The following LPIN1 variants were observed in gnomAD, a reference collection of about 807,000 sequenced individuals.
The protein encoded by LPIN1 is phosphatidate phosphatase LPIN1.
Under a neutral mutation model 107.5 loss-of-function variants are expected in LPIN1, and 71 were observed. The ratio of observed to expected loss-of-function variants is 0.66; its 90% confidence interval spans 0.55 to 0.80. LPIN1 has a LOEUF of 0.80. Ranked by LOEUF, LPIN1 falls within the 30% of genes least tolerant of loss-of-function variation. The pLI is 0.00. For missense variants in LPIN1, 1,043 were observed against 1,160.6 expected, an observed-to-expected ratio of 0.90 and a Z score of 1.47; for synonymous variants, 445 against 452.6, an observed-to-expected ratio of 0.98 and a Z score of 0.21.
At chr2:11,816,741 CT>C (rs58385642) in intron 18 of LPIN1, 11,681 of 136,882 alleles carry the variant, frequency 0.085, 920 homozygotes, top group African/African-American at 0.2. Context: ...AATGACCTTC[CT>C]TTTTTTTTTT....
At chr2:11,766,790 C>CAA (rs1039887738) in intron 2 of LPIN1, among the ~76,000 whole-genome samples, 56 of 152,076 alleles carry the variant, frequency 3.7e-4, no homozygotes, top group African/African-American at 1.3e-3. Context: ...AACAAACAAA[C>CAA]AAACAAAAAC....
At chr2:11,725,272 CA>C (rs991543898) in intron 1 of LPIN1, among the ~76,000 whole-genome samples, 7 of 150,494 alleles carry the variant, frequency 4.7e-5, no homozygotes, top group African/African-American at 1.5e-4. Flanking sequence ...AAAACAAAAA[CA>C]AAAACAAAAA....
At chr2:11,782,718 T>C (rs1298273452) in intron 8 of LPIN1, among the ~76,000 whole-genome samples, 1 of 152,208 alleles carries the variant, frequency 6.6e-6, no homozygotes, top group Non-Finnish European at 1.5e-5. Flanking sequence ...GAGGATCATG[T>C]AGCAAACTTC....
chr2:11,711,544 C>A (rs1663417997), intron 1 of LPIN1, among the ~76,000 whole-genome samples: 1 of 152,092 alleles, frequency 6.6e-6, no homozygotes, highest in Non-Finnish European at 1.5e-5. Context: ...TAAATTCATC[C>A]CTCTTGCTTT....
intron 1 of LPIN1, among the ~76,000 whole-genome samples, chr2:11,762,101 C>A (rs1364077606): frequency 6.6e-6 from 1 of 152,066 alleles, no homozygotes; most frequent in African/African-American, 2.4e-5. Flanking sequence ...GTTCCCATGA[C>A]CCCCTCCTCG....
At chr2:11,759,128 C>CT (rs1553418326) in intron 1 of LPIN1, among the ~76,000 whole-genome samples, 114 of 135,892 alleles carry the variant, frequency 8.4e-4, no homozygotes, top group African/African-American at 2.8e-3. Context: ...AGCTTGCTTT[C>CT]TTTCTTTTCT....
chr2:11,775,201 T>G (rs1276502333), intron 5 of LPIN1, among the ~76,000 whole-genome samples: 1 of 152,222 alleles, frequency 6.6e-6, no homozygotes. Context: ...AGCTGGTGGT[T>G]TATTATATTG....
rs546863753 is a variant in LPIN1 at position 11,821,838 on chromosome 2, A to G, written c.2621+1324A>G. ...CCCAAGCAGTCCTCAAGGTTTGTGC[A>G]GAGAGAGGGGAGGCTGGAGCCAAGG... On this transcript the variant is annotated intron_variant, in intron 20 of 20. Transcript: ENST00000674199. Among the ~76,000 whole-genome samples, 4 of 152,300 alleles carry G rather than the reference A, an allele frequency of 2.6e-5. No homozygotes were observed. In the South Asian group the frequency reaches 8.3e-4, roughly 32 times the overall value.
chr2:11,729,263 A>G (rs919732513), intron 1 of LPIN1, among the ~76,000 whole-genome samples: 1 of 152,242 alleles, frequency 6.6e-6, no homozygotes, highest in Admixed American at 6.5e-5. Flanking sequence ...ATGTATACCT[A>G]TGTAACAAAC....
At position 11,826,646 on chromosome 2, in the gene LPIN1, CTAA is replaced by C. The variant is rs1420593560; in HGVS notation, c.*1856_*1858del. ...TTGAGTGAATTTTAACTGCTCTGAA[CTAA>C]GTATAAGCTCATGGGCCTGCAAAGG... On this transcript the variant is annotated 3_prime_UTR_variant, in exon 21 of 21. Coordinates refer to ENST00000674199, the MANE Select transcript of LPIN1 (RefSeq NM_001349206.2). 1 of 151,654 alleles carries C rather than the reference CTAA, an allele frequency of 6.6e-6. No homozygotes were observed. Among genetic ancestry groups the C allele is most frequent in the African/African-American group, 2.4e-5 (1 of 41,300 alleles). 9.4% of individuals were successfully genotyped at this position (151,654 alleles called of 1,614,324 possible). A position where few individuals can be genotyped will look rare whatever the true frequency, so the allele number is the denominator to read the frequency against.
rs1189721925 is a variant in LPIN1 at position 11,774,775 on chromosome 2, G to C, written c.722+1030G>C. On this transcript the variant is annotated intron_variant, in intron 5 of 20. Transcript: ENST00000674199. This position sits in a 1 kb window ranked among gnomAD's most constrained non-coding sequence, Gnocchi z 4.4. Reference sequence around the variant, plus strand: ...TGACATGGAGGTTGGAGAGAAAATAGATATGTCCCATGCCTGGTTTCCAGC... The same window carrying C: ...TGACATGGAGGTTGGAGAGAAAATACATATGTCCCATGCCTGGTTTCCAGC... 6.6e-6 allele frequency among the ~76,000 whole-genome samples: 1 copy of C among 152,128 alleles called. No homozygotes were observed. The highest frequency in any genetic ancestry group is 2.4e-5 in the African/African-American group (1 of 41,414).
At chr2:11,693,770 ATG>A (rs201833333) in intron 1 of LPIN1, among the ~76,000 whole-genome samples, 1 of 115,100 alleles carries the variant, frequency 8.7e-6, no homozygotes, top group Non-Finnish European at 1.7e-5. Flanking sequence ...AGAGCCATAT[ATG>A]TGTGTGTGTG....
chr2:11,762,021 G>C lies in LPIN1; in HGVS notation c.-9-3512G>C, dbSNP rs534511008. Among the ~76,000 whole-genome samples the C allele has an allele frequency of 3.3e-5, 5 of 152,052 alleles. No homozygotes were observed. In the South Asian group the frequency reaches 1.0e-3, roughly 32 times the overall value. ...GGTTAAGGGCTCGTTCCCACAAGCTGTCCCTCACTTCAGATGCCAGTCACA... is the reference window on the plus strand; with the variant it reads ...GGTTAAGGGCTCGTTCCCACAAGCTCTCCCTCACTTCAGATGCCAGTCACA... On this transcript the variant is annotated intron_variant, in intron 1 of 20. Coordinates refer to ENST00000674199, the MANE Select transcript of LPIN1 (RefSeq NM_001349206.2).
At chr2:11,700,876 C>T (rs1181552658) in intron 1 of LPIN1, among the ~76,000 whole-genome samples, 2 of 152,182 alleles carry the variant, frequency 1.3e-5, no homozygotes, top group African/African-American at 4.8e-5. Flanking sequence ...ACTCCATATG[C>T]CTAGGCTCCC....
upstream of LPIN1, among the ~76,000 whole-genome samples, chr2:11,741,655 C>CA (rs550444677): frequency 7.9e-4 from 120 of 152,070 alleles, 1 homozygote; most frequent in Admixed American, 2.2e-3. Context: ...ACTAAAAATA[C>CA]AAAAAATGAG....
At chr2:11,716,195 G>A (rs774839461) in intron 2 of LPIN1, among the ~76,000 whole-genome samples, 1 of 152,154 alleles carries the variant, frequency 6.6e-6, no homozygotes, top group African/African-American at 2.4e-5. Context: ...GCTGGAGGGC[G>A]CATGGCATGG....
intron 1 of LPIN1, among the ~76,000 whole-genome samples, chr2:11,755,202 C>T (rs1668478587): frequency 1.3e-5 from 2 of 152,124 alleles, no homozygotes; most frequent in East Asian, 1.9e-4. Flanking sequence ...CTCCTGACCT[C>T]GTGATCCGCC....
chr2:11,680,653 T>G (rs1661664833), intron 1 of LPIN1, among the ~76,000 whole-genome samples: 1 of 152,188 alleles, frequency 6.6e-6, no homozygotes, highest in Non-Finnish European at 1.5e-5. Flanking sequence ...GCTTTCTAGC[T>G]GCGGGGTCAG....
At chr2:11,808,812 A>C (rs2148709838) in intron 17 of LPIN1, among the ~76,000 whole-genome samples, 1 of 151,090 alleles carries the variant, frequency 6.6e-6, no homozygotes, top group Admixed American at 6.6e-5. Context: ...CAGAGGTTGC[A>C]GTGAGCCGAG....
Sources: gnomAD v4.1 joint callset for allele counts (sites outside exome capture counted in the v4.1 genomes callset) on GRCh38, gnomAD v4.1.1 for gene constraint, Gnocchi (gnomAD v3.1) non-coding constraint, MANE v1.5 for transcripts, NCBI Gene and HGNC (gene_info 2026-07-23, HGNC 2026-07-21) for gene names.